IL2RA: variants seen among roughly 807,000 people sequenced by gnomAD.
The protein encoded by IL2RA is interleukin-2 receptor subunit alpha.
Under a neutral mutation model 37.8 loss-of-function variants are expected in IL2RA, and 24 were observed. The ratio of observed to expected loss-of-function variants is 0.63; its 90% CI spans 0.46 to 0.89. The LOEUF (loss-of-function observed/expected upper bound fraction) is 0.89. Ranked by LOEUF, IL2RA falls within the 40% of genes least tolerant of loss-of-function variation. The pLI, the probability that IL2RA is intolerant of heterozygous loss-of-function variation, is 0.00. For missense variants in IL2RA, 319 were observed against 348.6 expected (o/e 0.92, Z 0.68); for synonymous variants, 125 against 114.6 (o/e 1.09, Z -0.58).
At position 6,058,018 on chromosome 10, in the gene IL2RA, T is replaced by C. The variant is rs1410103221; in HGVS notation, c.64+4070A>G. Reference sequence around the variant, plus strand: ...GCAGGTGCCTGTAATCCCAGCTACTTGGGGAGGCTGAGGCAGGAGAATCAC... The same window carrying C: ...GCAGGTGCCTGTAATCCCAGCTACTCGGGGAGGCTGAGGCAGGAGAATCAC... On this transcript the variant is annotated intron_variant, in intron 1 of 7. Transcript: ENST00000379959. The surrounding 1 kb of genome is among the most constrained non-coding windows in gnomAD (Gnocchi z 4.2). Among the ~76,000 whole-genome samples the C allele has an allele frequency of 6.6e-6, 1 of 151,792 alleles. No homozygotes were observed. Among genetic ancestry groups the C allele is most frequent in the Non-Finnish European group, 1.5e-5 (1 of 67,924 alleles).
rs1020876001 is a variant in IL2RA at position 6,036,810 on chromosome 10, C to T, written c.65-10785G>A. ...CAGTCATTTTAGAGAGCGGACACCA[C>T]TGCTGAAGAAGAAGGATATCCCGGT... On this transcript the variant is annotated intron_variant, in intron 1 of 7. Transcript: ENST00000379959. This position sits in a 1 kb window ranked among gnomAD's most constrained non-coding sequence, Gnocchi z 6.1. Among the ~76,000 whole-genome samples, 16 of 151,574 alleles carry T rather than the reference C, an allele frequency of 1.1e-4. No individual in the cohort carries two copies. The highest frequency in any genetic ancestry group is 4.4e-5 in the Non-Finnish European group (3 of 68,042).
chr10:6,012,968 C>T lies in IL2RA; in HGVS notation c.795-72G>A. On this transcript the variant is annotated intron_variant, in intron 7 of 7. Coordinates refer to ENST00000379959, the MANE Select transcript of IL2RA (RefSeq NM_000417.3). The surrounding 1 kb of genome is among the most constrained non-coding windows in gnomAD (Gnocchi z 4.8). Reference sequence around the variant, plus strand: ...AAAAAAATGTGGTCCTCACTCTAAACCAGTGCACACGCCACCATGCCTGGC... The same window carrying T: ...AAAAAAATGTGGTCCTCACTCTAAATCAGTGCACACGCCACCATGCCTGGC... The T allele has an allele frequency of 7.2e-7, 1 of 1,391,706 alleles. No individual in the cohort carries two copies. Among genetic ancestry groups the T allele is most frequent in the African/African-American group, 1.4e-5 (1 of 70,646 alleles). The allele number at this position is 1,391,706 out of a possible 1,614,324, so 86.2% of individuals were successfully genotyped here. A position where few individuals can be genotyped will look rare whatever the true frequency, so the allele number is the denominator to read the frequency against.
At chr10:6,043,375 T>G (rs556267390) in intron 1 of IL2RA, among the ~76,000 whole-genome samples, 2 of 152,294 alleles carry the variant, frequency 1.3e-5, no homozygotes, top group East Asian at 3.9e-4. Context: ...AAGAATGAGA[T>G]TGGGTTGGAC....
At position 6,022,041 on chromosome 10, in the gene IL2RA, G is replaced by A. The variant is rs961405011; in HGVS notation, c.368-348C>T. ...CGCCACAACTGCCTCTTGGAAGACA[G>A]TGCAGGTGTTGACAGTGGACAGGAG... On this transcript the variant is annotated intron_variant, in intron 3 of 7. Transcript: ENST00000379959. This position sits in a 1 kb window ranked among gnomAD's most constrained non-coding sequence, Gnocchi z 4.7. Among the ~76,000 whole-genome samples, 2 of 152,064 alleles carry A rather than the reference G, an allele frequency of 1.3e-5. No individual in the cohort carries two copies. Among genetic ancestry groups the A allele is most frequent in the Admixed American group, 6.6e-5 (1 of 15,264 alleles).
At chr10:6,032,393 T>G (rs1433680006) in intron 1 of IL2RA, among the ~76,000 whole-genome samples, 1 of 151,954 alleles carries the variant, frequency 6.6e-6, no homozygotes, top group African/African-American at 2.4e-5. Context: ...CCAGAGACAT[T>G]AAGAAAATGA....
chr10:6,039,224 C>G (rs769165025), intron 1 of IL2RA, among the ~76,000 whole-genome samples: 1 of 152,168 alleles, frequency 6.6e-6, no homozygotes, highest in Non-Finnish European at 1.5e-5. Flanking sequence ...GCTAAAGATT[C>G]AATTCACCAG....
At chr10:6,030,622 C>T in intron 1 of IL2RA, among the ~76,000 whole-genome samples, 1 of 152,114 alleles carries the variant, frequency 6.6e-6, no homozygotes. Flanking sequence ...GGCACATCTG[C>T]ATTACACTAA....
Position 6,029,543 on chromosome 10 carries a change from C to T in IL2RA, c.65-3518G>A, listed in dbSNP as rs1439811230. On this transcript the variant is annotated intron_variant, in intron 1 of 7. Coordinates refer to ENST00000379959, the MANE Select transcript of IL2RA (RefSeq NM_000417.3). The surrounding 1 kb of genome is among the most constrained non-coding windows in gnomAD (Gnocchi z 4.6). The stretch of plus-strand genomic sequence containing the variant: ...CATTTTGTCTATGGCTGCTTTTCTG[C>T]TATAATGGCAGAGTTGAGTAGTTGC... Among the ~76,000 whole-genome samples, 1 of 152,108 alleles carries T rather than the reference C, an allele frequency of 6.6e-6. No individual in the cohort carries two copies. Among genetic ancestry groups the T allele is most frequent in the Non-Finnish European group, 1.5e-5 (1 of 68,024 alleles).
intron 7 of IL2RA, 148 bp downstream of exon 7, chr10:6,017,905 T>A: frequency 4.2e-6 from 3 of 716,414 alleles, no homozygotes; most frequent in Non-Finnish European, 7.7e-6. Flanking sequence ...AACTGACTCT[T>A]TCCGAGGCAT....
chr10:6,042,360 G>T (rs1320608107), intron 1 of IL2RA, among the ~76,000 whole-genome samples: 1 of 151,790 alleles, frequency 6.6e-6, no homozygotes, highest in Non-Finnish European at 1.5e-5. Context: ...TTTTAAGGTA[G>T]TAGAAATAAA....
intron 1 of IL2RA, among the ~76,000 whole-genome samples, chr10:6,060,271 G>A (rs907561499): frequency 5.9e-5 from 9 of 152,142 alleles, no homozygotes; most frequent in African/African-American, 9.7e-5. Context: ...GAAAGGGTGC[G>A]AGGTGGGTGA....
chr10:6,035,732 C>T lies in IL2RA; in HGVS notation c.65-9707G>A, dbSNP rs138148960. Among the ~76,000 whole-genome samples the T allele has an allele frequency of 2.8e-3, 428 of 152,290 alleles. 3 individuals are homozygous for T. The highest frequency in any genetic ancestry group is 9.9e-3 in the African/African-American group (411 of 41,554). On this transcript the variant is annotated intron_variant, in intron 1 of 7. Coordinates refer to ENST00000379959, the MANE Select transcript of IL2RA (RefSeq NM_000417.3). This position sits in a 1 kb window ranked among gnomAD's most constrained non-coding sequence, Gnocchi z 5.4. ...TCCTGAAAATGCCGAGGGCTTTGGC[C>T]TGGGACCCACACCAAGACAGAGTCA...
At position 6,021,487 on chromosome 10, in the gene IL2RA, G is replaced by C. The variant is rs768898568; in HGVS notation, c.574C>G (p.Gln192Glu). 4 of 1,613,534 alleles carry C rather than the reference G, an allele frequency of 2.5e-6. No individual in the cohort carries two copies. The South Asian group carries it at 3.3e-5, about 13-fold the overall frequency. Residue 192 changes from glutamine (Q) to glutamate (E), a missense_variant, in exon 4 of 8, where the codon CAG becomes GAG. Transcript: ENST00000379959. The surrounding 1 kb of genome is among the most constrained non-coding windows in gnomAD (Gnocchi z 4.9). ...AAGGGAGCCACCCTACCTGGAAACTGACTGGTCTCCATTTCACCTGTGCAT... is the reference window on the plus strand; with the variant it reads ...AAGGGAGCCACCCTACCTGGAAACTCACTGGTCTCCATTTCACCTGTGCAT... Reference protein sequence around the residue: ...LICTGEMETSQFPGEEKPQAS... With the variant: ...LICTGEMETSEFPGEEKPQAS...
chr10:6,016,870 G>C (rs1839288443), intron 7 of IL2RA, among the ~76,000 whole-genome samples: 1 of 152,082 alleles, frequency 6.6e-6, no homozygotes, highest in Admixed American at 6.6e-5. Context: ...ACAACTCCTG[G>C]GCTATCTTTT....
At chr10:6,034,277 G>A (rs990422700) in intron 1 of IL2RA, among the ~76,000 whole-genome samples, 1 of 152,146 alleles carries the variant, frequency 6.6e-6, no homozygotes, top group African/African-American at 2.4e-5. Context: ...ACACCTCCAG[G>A]TCTGTAGCTC....
Position 6,046,194 on chromosome 10 carries a change from T to G in IL2RA, c.64+15894A>C, listed in dbSNP as rs1839854357. 6.6e-6 allele frequency among the ~76,000 whole-genome samples: 1 copy of G among 152,192 alleles called. No individual in the cohort carries two copies. Among genetic ancestry groups the G allele is most frequent in the African/African-American group, 2.4e-5 (1 of 41,438 alleles). ...TACACAAGACACACATTGCATACAC[T>G]GTGTGTTGTTGACAGGGATCATGCC... On this transcript the variant is annotated intron_variant, in intron 1 of 7. Coordinates refer to ENST00000379959, the MANE Select transcript of IL2RA (RefSeq NM_000417.3). The surrounding 1 kb of genome is among the most constrained non-coding windows in gnomAD (Gnocchi z 4.8).
At chr10:6,049,616 A>G (rs952355622) in intron 1 of IL2RA, among the ~76,000 whole-genome samples, 2 of 151,576 alleles carry the variant, frequency 1.3e-5, no homozygotes, top group Non-Finnish European at 2.9e-5. Flanking sequence ...AGCCTCCGGG[A>G]CTCTTCTGTC....
At position 6,018,473 on chromosome 10, in the gene IL2RA, G is replaced by C. The variant is rs905211062; in HGVS notation, c.728-354C>G. 6.6e-6 allele frequency among the ~76,000 whole-genome samples: 1 copy of C among 152,172 alleles called. No individual in the cohort carries two copies. The highest frequency in any genetic ancestry group is 2.4e-5 in the African/African-American group (1 of 41,432). ...GATGAGAAGCACATTAACATCTCCT[G>C]AAAGAGGTCGGGTTTTCCAGATGCT... On this transcript the variant is annotated intron_variant, in intron 6 of 7. Coordinates refer to ENST00000379959, the MANE Select transcript of IL2RA (RefSeq NM_000417.3). This position sits in a 1 kb window ranked among gnomAD's most constrained non-coding sequence, Gnocchi z 5.1.
chr10:6,021,030 A>G lies in IL2RA; in HGVS notation c.583+448T>C, dbSNP rs1269154184. Among the ~76,000 whole-genome samples, 1 of 152,066 alleles carries G rather than the reference A, an allele frequency of 6.6e-6. No homozygotes were observed. Among genetic ancestry groups the G allele is most frequent in the African/African-American group, 2.4e-5 (1 of 41,400 alleles). Reference sequence around the variant, plus strand: ...TACAAGCTCAGCTGGGGAATGGCACAAGGGGAAGGAACATGCTGACCGTGG... The same window carrying G: ...TACAAGCTCAGCTGGGGAATGGCACGAGGGGAAGGAACATGCTGACCGTGG... On this transcript the variant is annotated intron_variant, in intron 4 of 7. Coordinates refer to ENST00000379959, the MANE Select transcript of IL2RA (RefSeq NM_000417.3). This position sits in a 1 kb window ranked among gnomAD's most constrained non-coding sequence, Gnocchi z 4.9.
Sources: gnomAD v4.1 joint callset for allele counts (sites outside exome capture counted in the v4.1 genomes callset) on GRCh38, gnomAD v4.1.1 for gene constraint, Gnocchi (gnomAD v3.1) non-coding constraint, MANE v1.5 for transcripts, NCBI Gene and HGNC (gene_info 2026-07-23, HGNC 2026-07-21) for gene names.